BTN3A1: variants seen among roughly 807,000 people sequenced by gnomAD.
BTN3A1 encodes the protein dJ45P21.3 (butyrophilin, subfamily 3, member A1).
BTN3A1 carries 24 observed loss-of-function variants against 43.0 expected under a neutral mutation model. The observed-to-expected ratio is 0.56, with a 90% CI of 0.40 to 0.78. The LOEUF is 0.78. Among genes scored for constraint, BTN3A1 ranks in the 30% least tolerant of loss-of-function variants. BTN3A1 has a pLI of 0.00. For synonymous variants in BTN3A1, 181 were observed against 234.7 expected, an observed-to-expected ratio of 0.77 and a Z score of 2.09; for missense variants, 533 against 626.2, an observed-to-expected ratio of 0.85 and a Z score of 1.59.
At position 26,413,297 on chromosome 6, in the gene BTN3A1, T is replaced by C. The variant is rs754406433; in HGVS notation, c.1147T>C (p.Cys383Arg). 29 of 1,614,042 alleles carry C rather than the reference T, an allele frequency of 1.8e-5. No individual in the cohort carries two copies. Among genetic ancestry groups the C allele is most frequent in the Non-Finnish European group, 2.5e-5 (29 of 1,180,032 alleles). ...CCCTGAGAGATTTAATTGGCATTAT[T>C]GTGTTCTCGGCTGTGAGAGCTTCAT... Reference protein sequence around the residue: ...DNPERFNWHYCVLGCESFISG... With the variant: ...DNPERFNWHYRVLGCESFISG... Residue 383 changes from cysteine to arginine, a missense_variant, in exon 10 of 10, where the codon TGT (cysteine) becomes CGT (arginine). By Grantham distance (180) the Cys-to-Arg change is radical. Around this residue, in one of 4 missense-constraint regions of BTN3A1, gnomAD observed 415 missense variants for 427.0 expected, o/e 0.97. Coordinates refer to ENST00000289361, the MANE Select transcript of BTN3A1 (RefSeq NM_007048.6).
rs1392690616 is a variant in BTN3A1 at position 26,405,481 on chromosome 6, G to C, written c.-83G>C. On this transcript the variant is annotated 5_prime_UTR_variant, in exon 2 of 10. Coordinates refer to ENST00000289361, the MANE Select transcript of BTN3A1 (RefSeq NM_007048.6). ...CTTGAGTTAGCTCTAGGGAAGTGGA[G>C]GTTTCCATTTGGAATTCTATAGCTT... 37 of 1,350,996 alleles carry C rather than the reference G, an allele frequency of 2.7e-5. No individual in the cohort carries two copies. The East Asian group carries it at 8.5e-4, about 31-fold the overall frequency. 83.7% of individuals were successfully genotyped at this position (1,350,996 alleles called of 1,614,324 possible). A position where few individuals can be genotyped will look rare whatever the true frequency, so the allele number is the denominator to read the frequency against.
chr6:26,412,561 G>T, intron 9 of BTN3A1: 1 of 1,547,992 alleles, frequency 6.5e-7, no homozygotes, highest in Non-Finnish European at 8.7e-7. Context: ...GGCATATAAG[G>T]CACCACATAG....
In BTN3A1 at chr6:26,406,055, G is replaced by T. The variant is rs199781860; in HGVS notation, c.232G>T (p.Val78Leu). The change falls in exon 3 of 10, where the codon GTG (valine) becomes TTG (leucine). Residue 78 changes from valine to leucine, a missense_variant. Physicochemically the swap from Val to Leu is conservative, Grantham distance 32 (BLOSUM62 1). Coordinates refer to ENST00000289361, the MANE Select transcript of BTN3A1 (RefSeq NM_007048.6). ...TTCCAGCCTAAGGCAGGTGGTGAAC[G>T]TGTATGCAGATGGAAAGGAAGTGGA... ...VSSSLRQVVN[V>L]YADGKEVEDR... is the part of the protein sequence containing the mutation. The T allele has an allele frequency of 3.1e-6, 5 of 1,608,268 alleles. No individual in the cohort carries two copies. The highest frequency in any genetic ancestry group is 4.2e-6 in the Non-Finnish European group (5 of 1,177,846).
rs571974105 is a variant in BTN3A1, at chr6:26,412,782, A to T, written c.1019-387A>T. The T allele has an allele frequency of 1.9e-5, 30 of 1,551,494 alleles. No homozygotes were observed. The African/African-American group carries it at 4.1e-4, about 21-fold the overall frequency. ...GGAAAAATAGACTGCAGAAAAGGGG[A>T]ACTCATTTAGCTCATGAGTGGTCGA... On this transcript the variant is annotated intron_variant, in intron 9 of 9. Transcript: ENST00000289361.
intron 8 of BTN3A1, 113 bp from the exon 9 acceptor site, chr6:26,411,442 C>G: frequency 3.7e-6 from 5 of 1,344,606 alleles, no homozygotes; most frequent in Non-Finnish European, 5.2e-6. Context: ...GGAGGCTGGA[C>G]CCTGGAAGAG....
At position 26,413,830 on chromosome 6, in the gene BTN3A1, G is replaced by A; in HGVS notation, c.*138G>A. ...TCTCTGCTTCTCCCTGCCCAGCTCAGAGCTGAGGGCCTCCCCCTCCACAGC... is the reference window on the plus strand; with the variant it reads ...TCTCTGCTTCTCCCTGCCCAGCTCAAAGCTGAGGGCCTCCCCCTCCACAGC... On this transcript the variant is annotated 3_prime_UTR_variant, in exon 10 of 10. Transcript: ENST00000289361. 1 of 1,550,510 alleles carries A rather than the reference G, an allele frequency of 6.4e-7. No individual in the cohort carries two copies. The highest frequency in any genetic ancestry group is 8.8e-7 in the Non-Finnish European group (1 of 1,141,086).
chr6:26,409,823 C>T (rs1007659995), intron 5 of BTN3A1, 71 bp from the exon 6 acceptor site: 28 of 1,612,664 alleles, frequency 1.7e-5, no homozygotes, highest in Non-Finnish European at 2.4e-5. Context: ...AGCTCAGTTG[C>T]TTTTAAGGTT....
intron 5 of BTN3A1, 42 bp downstream of exon 5, chr6:26,409,775 G>A (rs1762146264): frequency 6.3e-7 from 1 of 1,587,962 alleles, no homozygotes. Flanking sequence ...TGGCTTACGG[G>A]CCAAAGCCCA....
intron 9 of BTN3A1, chr6:26,411,798 C>G: frequency 1.8e-6 from 1 of 568,098 alleles, no homozygotes; most frequent in East Asian, 3.1e-5. Flanking sequence ...AGATCTCTTG[C>G]ACTTCCTCAG....
chr6:26,406,835 A>T lies in BTN3A1; in HGVS notation c.433+579A>T, dbSNP rs147755610. Reference sequence around the variant, plus strand: ...GGCTTGTGTTAGGGGATTTGGGAGGAGGGTTTATAGACTTTGGCCTCTGCT... The same window carrying T: ...GGCTTGTGTTAGGGGATTTGGGAGGTGGGTTTATAGACTTTGGCCTCTGCT... On this transcript the variant is annotated intron_variant, in intron 3 of 9. Transcript: ENST00000289361. Among the ~76,000 whole-genome samples the T allele has an allele frequency of 1.2e-3, 179 of 152,166 alleles. 1 individual carries two copies. Among genetic ancestry groups the T allele is most frequent in the African/African-American group, 4.0e-3 (167 of 41,516 alleles).
Position 26,413,329 on chromosome 6 carries a change from G to A in BTN3A1, c.1179G>A (p.Gly393=), listed in dbSNP as rs537002384. The part of the protein sequence containing the change: ...CVLGCESFIS[G]RHYWEVEVGD... ...TCGGCTGTGAGAGCTTCATATCAGGGAGACATTACTGGGAGGTGGAGGTAG... is the reference window on the plus strand; with the variant it reads ...TCGGCTGTGAGAGCTTCATATCAGGAAGACATTACTGGGAGGTGGAGGTAG... The change falls in exon 10 of 10, where the codon GGG becomes GGA. Residue 393 remains glycine, a synonymous_variant. Coordinates refer to ENST00000289361, the MANE Select transcript of BTN3A1 (RefSeq NM_007048.6). 5 of 1,614,186 alleles carry A rather than the reference G, an allele frequency of 3.1e-6. No individual in the cohort carries two copies. In the Admixed American group the frequency reaches 6.7e-5, roughly 22 times the overall value.
At position 26,409,685 on chromosome 6, in the gene BTN3A1, T is replaced by C. The variant is rs779022065; in HGVS notation, c.868T>C (p.Leu290=). 2.5e-6 allele frequency: 4 copies of C among 1,589,772 alleles called. No homozygotes were observed. The South Asian group carries it at 4.5e-5, about 18-fold the overall frequency. ...QFRKKKREQE[L]REMAWSTMKQ... is the part of the protein sequence containing the mutation. ...CAGAAAGAAAAAGAGAGAGCAAGAG[T>C]TGAGAGAAATGGCATGGAGCACAAT... The change falls in exon 5 of 10, where the codon TTG becomes CTG. Residue 290 remains leucine (L), a synonymous_variant. Coordinates refer to ENST00000289361, the MANE Select transcript of BTN3A1 (RefSeq NM_007048.6).
Position 26,407,809 on chromosome 6 carries a change from A to G in BTN3A1, c.572A>G (p.Glu191Gly), listed in dbSNP as rs1352352281. Residue 191 changes from glutamate to glycine, a missense_variant, in exon 4 of 10, where the codon GAA (glutamate) becomes GGA (glycine). By Grantham distance (98) the Glu-to-Gly change is moderately conservative. Coordinates refer to ENST00000289361, the MANE Select transcript of BTN3A1 (RefSeq NM_007048.6). The part of the protein sequence containing the change: ...NNKGENIPTV[E>G]APVVADGVGL... ...AAGGGAGAGAACATCCCGACTGTGG[A>G]AGCACCTGTGGTTGCAGACGGAGTG... 1.2e-6 allele frequency: 2 copies of G among 1,614,234 alleles called. No individual in the cohort carries two copies. Among genetic ancestry groups the G allele is most frequent in the East Asian group, 2.2e-5 (1 of 44,892 alleles).
chr6:26,412,986 C>G (rs1014406132), intron 9 of BTN3A1, 183 bp from the exon 10 acceptor site: 2 of 1,459,672 alleles, frequency 1.4e-6, no homozygotes, highest in Admixed American at 2.8e-5. Flanking sequence ...CCTCTGGACA[C>G]AAGATACCTG....
chr6:26,411,828 C>A, intron 9 of BTN3A1: 1 of 493,524 alleles, frequency 2.0e-6, no homozygotes, highest in Non-Finnish European at 3.6e-6. Flanking sequence ...GGAAGGAAGA[C>A]ATATAAAGGG....
rs143476765 is a variant in BTN3A1 at position 26,413,363 on chromosome 6, A to G, written c.1213A>G (p.Lys405Glu). 3.9e-4 allele frequency: 622 copies of G among 1,614,018 alleles called. No individual in the cohort carries two copies. The highest frequency in any genetic ancestry group is 4.8e-4 in the Non-Finnish European group (572 of 1,180,034). ...HYWEVEVGDRKEWHIGVCSKN... is the reference protein window; with the variant it reads ...HYWEVEVGDREEWHIGVCSKN... Reference sequence around the variant, plus strand: ...CTGGGAGGTGGAGGTAGGGGACAGGAAAGAGTGGCATATAGGGGTGTGCAG... The same window carrying G: ...CTGGGAGGTGGAGGTAGGGGACAGGGAAGAGTGGCATATAGGGGTGTGCAG... The change falls in exon 10 of 10, where the codon AAA (lysine) becomes GAA (glutamate). Residue 405 changes from lysine to glutamate, a missense_variant. Transcript: ENST00000289361.
intron 6 of BTN3A1, 30 bp from the exon 7 acceptor site, chr6:26,409,976 A>C: frequency 6.2e-7 from 1 of 1,614,068 alleles, no homozygotes; most frequent in Middle Eastern, 1.7e-4. Flanking sequence ...ATGCGCCTTG[A>C]TGCATCTTCC....
intron 9 of BTN3A1, chr6:26,412,532 G>A: frequency 6.5e-7 from 1 of 1,549,976 alleles, no homozygotes; most frequent in Non-Finnish European, 8.7e-7. Context: ...GAAAGCTGAA[G>A]GGTGGAGAGT....
In BTN3A1 at chr6:26,411,096, T is replaced by C; in HGVS notation, c.965-13T>C. Reference sequence around the variant, plus strand: ...CAAGTTCAGGTGACATCTCTATCTTTTTTTCATTGTAGGGGGAGAGAGACA... The same window carrying C: ...CAAGTTCAGGTGACATCTCTATCTTCTTTTCATTGTAGGGGGAGAGAGACA... On this transcript the variant is annotated splice_polypyrimidine_tract_variant and intron_variant, in intron 7 of 9. Coordinates refer to ENST00000289361, the MANE Select transcript of BTN3A1 (RefSeq NM_007048.6). 1.2e-6 allele frequency: 2 copies of C among 1,605,826 alleles called. No homozygotes were observed. Among genetic ancestry groups the C allele is most frequent in the Non-Finnish European group, 1.7e-6 (2 of 1,176,562 alleles).
Sources: allele counts gnomAD v4.1 joint callset (sites outside exome capture counted in the v4.1 genomes callset), GRCh38; gene constraint gnomAD v4.1.1; regional missense constraint gnomAD v4.1.1; transcripts MANE v1.5; gene names NCBI Gene and HGNC (gene_info 2026-07-23, HGNC 2026-07-21).